Variants in C3orf62 observed in about 807,000 individuals in gnomAD.
C3orf62 encodes the protein uncharacterized protein C3orf62.
Under a neutral mutation model 21.7 loss-of-function variants are expected in C3orf62, and 16 were observed. That is an observed-to-expected ratio of 0.74 (90% CI 0.50 to 1.12). The LOEUF is 1.12. Ranked by LOEUF, C3orf62 falls within the 50% of genes most tolerant of loss-of-function variation. The probability of loss-of-function intolerance (pLI) is 0.00; values close to 1 mark genes in which losing one functional copy is unlikely to be tolerated. For missense variants in C3orf62, 310 were observed against 318.8 expected, an observed-to-expected ratio of 0.97 and a Z score of 0.21; for synonymous variants, 114 against 117.0, an observed-to-expected ratio of 0.97 and a Z score of 0.17.
At position 49,276,803 on chromosome 3, in the gene C3orf62, GTTCC is replaced by G; in HGVS notation, c.66_69del (p.Lys22AsnfsTer2). On this transcript the variant is annotated frameshift_variant, in exon 1 of 3. Transcript: ENST00000343010. LOFTEE classifies it high-confidence loss of function. ...AAGGCCCGGTCAATGGCTGCAGTCA[GTTCC>G]TTTCTGCATCTTCTTAGTTTTTCAG... The G allele has an allele frequency of 6.2e-7, 1 of 1,614,124 alleles. No individual in the cohort carries two copies. Among genetic ancestry groups the G allele is most frequent in the Non-Finnish European group, 8.5e-7 (1 of 1,180,036 alleles).
chr3:49,276,722 C>G lies in C3orf62; in HGVS notation c.151G>C (p.Ala51Pro). Residue 51 changes from alanine to proline, a missense_variant, in exon 1 of 3, where the codon GCC becomes CCC. Ala to Pro is a conservative substitution (Grantham distance 27). Transcript: ENST00000343010. ...GGCAGCGAGAAGGAGAGCGGCGCGG[C>G]GCTCAGTTCCAGCCTCTGCTGGCCT... ...CTGQQRLELSAAPLSFSLPVH... is the reference protein window; with the variant it reads ...CTGQQRLELSPAPLSFSLPVH... 1 of 1,614,212 alleles carries G rather than the reference C, an allele frequency of 6.2e-7. No homozygotes were observed. The highest frequency in any genetic ancestry group is 8.5e-7 in the Non-Finnish European group (1 of 1,180,038).
At chr3:49,274,377 T>TA (rs1421913438) in intron 1 of C3orf62, 2 of 447,610 alleles carry the variant, frequency 4.5e-6, no homozygotes, top group Non-Finnish European at 8.2e-6. Context: ...TTTTCTTTTT[T>TA]AGAGACAGGG....
At position 49,272,757 on chromosome 3, in the gene C3orf62, T is replaced by A. The variant is rs1225893217; in HGVS notation, c.538+1292A>T. ...TAGTAGAGAAGGGGTTTTGCCATGT[T>A]GCCCAGGCTGATCTCGAACTCCTGA... On this transcript the variant is annotated intron_variant, in intron 2 of 2. Coordinates refer to ENST00000343010, the MANE Select transcript of C3orf62 (RefSeq NM_198562.3). Among the ~76,000 whole-genome samples the A allele has an allele frequency of 2.0e-5, 3 of 151,962 alleles. No homozygotes were observed. The East Asian group carries it at 5.8e-4, about 29-fold the overall frequency.
At position 49,270,994 on chromosome 3, in the gene C3orf62, C is replaced by A; in HGVS notation, c.*186G>T. 4 of 600,502 alleles carry A rather than the reference C, an allele frequency of 6.7e-6. No homozygotes were observed. The highest frequency in any genetic ancestry group is 1.2e-5 in the Non-Finnish European group (4 of 344,260). 37.2% of individuals were successfully genotyped at this position (600,502 alleles called of 1,614,324 possible). ...ATCAGTAATAGGAAACATTTCAAAG[C>A]AATGGAATTCAAAAAACTGGTCTCA... On this transcript the variant is annotated 3_prime_UTR_variant, in exon 3 of 3. Coordinates refer to ENST00000343010, the MANE Select transcript of C3orf62 (RefSeq NM_198562.3).
chr3:49,274,765 A>G (rs1478061154), intron 1 of C3orf62, among the ~76,000 whole-genome samples: 1 of 151,338 alleles, frequency 6.6e-6, no homozygotes, highest in Non-Finnish European at 1.5e-5. Flanking sequence ...ACCTCAGGTG[A>G]TCTGCCCGCC....
chr3:49,271,540 A>G, intron 2 of C3orf62, 95 bp from the exon 3 acceptor site: 1 of 1,420,696 alleles, frequency 7.0e-7, no homozygotes, highest in South Asian at 1.3e-5. Context: ...GTTGTCATTT[A>G]TCAGGGATTG....
chr3:49,270,354 C>CT lies in C3orf62; in HGVS notation c.*825dup, dbSNP rs551648533. ...CCTGAGATTCAGTTTCCTTTCTTCC[C>CT]TTTTTTTTTCTTTTTTTTTTTGAGA... On this transcript the variant is annotated 3_prime_UTR_variant, in exon 3 of 3. Transcript: ENST00000343010. 2.1e-4 allele frequency: 31 copies of CT among 151,096 alleles called. No individual in the cohort carries two copies. The highest frequency in any genetic ancestry group is 1.3e-3 in the South Asian group (6 of 4,736). 9.4% of individuals were successfully genotyped at this position (151,096 alleles called of 1,614,324 possible). A position where few individuals can be genotyped will look rare whatever the true frequency, so the allele number is the denominator to read the frequency against.
chr3:49,271,377 T>C lies in C3orf62; in HGVS notation c.607A>G (p.Met203Val), dbSNP rs779246246. 1.5e-5 allele frequency: 25 copies of C among 1,614,078 alleles called. No homozygotes were observed. Among genetic ancestry groups the C allele is most frequent in the South Asian group, 9.9e-5 (9 of 91,096 alleles). Residue 203 changes from methionine (M) to valine (V), a missense_variant, in exon 3 of 3, where the codon ATG becomes GTG. Physicochemically the swap from Met to Val is conservative, Grantham distance 21 (BLOSUM62 1). Transcript: ENST00000343010. ...KIEFENELNH[M>V]CGHCQDSPFK... is the part of the protein sequence containing the mutation. ...GGTGAATCTTGGCAATGACCACACATGTGGTTCAATTCGTTTTCAAATTCT... is the reference window on the plus strand; with the variant it reads ...GGTGAATCTTGGCAATGACCACACACGTGGTTCAATTCGTTTTCAAATTCT...
chr3:49,273,702 C>A (rs71324944), intron 2 of C3orf62, among the ~76,000 whole-genome samples: 9 of 151,972 alleles, frequency 5.9e-5, no homozygotes, highest in Non-Finnish European at 8.8e-5. Flanking sequence ...GTCCCCCAGG[C>A]TGGAGTGCAG....
At position 49,269,135 on chromosome 3, in the gene C3orf62, ATT is replaced by A. The variant is rs1004427470; in HGVS notation, c.*2043_*2044del. 1 of 152,144 alleles carries A rather than the reference ATT, an allele frequency of 6.6e-6. No homozygotes were observed. The highest frequency in any genetic ancestry group is 2.4e-5 in the African/African-American group (1 of 41,412). The allele number at this position is 152,144 out of a possible 1,614,324, so 9.4% of individuals were successfully genotyped here. ...TACCCCACGTCTGGATTTGTCTAACATTTGTCTCAAGATCATACACTGGGAAT... is the reference window on the plus strand; with the variant it reads ...TACCCCACGTCTGGATTTGTCTAACATGTCTCAAGATCATACACTGGGAAT... On this transcript the variant is annotated 3_prime_UTR_variant, in exon 3 of 3. Coordinates refer to ENST00000343010, the MANE Select transcript of C3orf62 (RefSeq NM_198562.3).
In C3orf62 at chr3:49,271,136, G is replaced by A. The variant is rs1479931536; in HGVS notation, c.*44C>T. 3.2e-6 allele frequency: 5 copies of A among 1,584,366 alleles called. No individual in the cohort carries two copies. Among genetic ancestry groups the A allele is most frequent in the Non-Finnish European group, 4.3e-6 (5 of 1,160,720 alleles). ...TGTAGCTGCTTCTGCTCAGGCTCAA[G>A]GGCAGCCTCCTGCTGTAAGGAATCA... On this transcript the variant is annotated 3_prime_UTR_variant, in exon 3 of 3. Coordinates refer to ENST00000343010, the MANE Select transcript of C3orf62 (RefSeq NM_198562.3).
chr3:49,273,212 A>G (rs2046926432), intron 2 of C3orf62, among the ~76,000 whole-genome samples: 1 of 152,216 alleles, frequency 6.6e-6, no homozygotes, highest in Non-Finnish European at 1.5e-5. Context: ...ACTTGAGACT[A>G]GGAGTTCGAG....
At chr3:49,272,534 C>CTT (rs746086446) in intron 2 of C3orf62, among the ~76,000 whole-genome samples, 23,686 of 51,940 alleles carry the variant, frequency 0.46, 9,673 homozygotes, top group South Asian at 0.64. Flanking sequence ...TTCTCCTAAT[C>CTT]TTTTTTTTTT....
intron 2 of C3orf62, 77 bp from the exon 3 acceptor site, chr3:49,271,522 A>G (rs1437182625): frequency 1.3e-6 from 2 of 1,487,680 alleles, no homozygotes; most frequent in African/African-American, 2.8e-5. Context: ...GTTAAAAACC[A>G]TGAATGGGTT....
intron 1 of C3orf62, among the ~76,000 whole-genome samples, chr3:49,275,772 T>C (rs997903535): frequency 1.3e-5 from 2 of 151,368 alleles, no homozygotes; most frequent in African/African-American, 2.4e-5. Context: ...CCTCGTGATC[T>C]GCCCGCCTCG....
At position 49,276,443 on chromosome 3, in the gene C3orf62, T is replaced by C. The variant is rs537539163; in HGVS notation, c.430A>G (p.Arg144Gly). The change falls in exon 1 of 3, where the codon AGA (arginine) becomes GGA (glycine). Residue 144 changes from arginine (R) to glycine (G), a missense_variant. Transcript: ENST00000343010. ...TAGAATCACCTTAAATTTTCTTTTC[T>C]CCAGTTTTCCCCCTCTCCTGCAGTT... ...WRTAGEGENW[R>G]KENLRKDMER... 6.2e-7 allele frequency: 1 copy of C among 1,607,448 alleles called. No homozygotes were observed. The highest frequency in any genetic ancestry group is 2.2e-5 in the East Asian group (1 of 44,738).
rs889566240 is a variant in C3orf62, at chr3:49,276,022, C to T, written c.446+405G>A. The stretch of plus-strand genomic sequence containing the variant: ...GCCCAGCCTTCAATTAAGCCTCTCC[C>T]TAATGTGGGCAAAGGAGGGTATCAA... On this transcript the variant is annotated intron_variant, in intron 1 of 2. Transcript: ENST00000343010. Among the ~76,000 whole-genome samples the T allele has an allele frequency of 3.8e-4, 58 of 152,078 alleles. 1 individual carries two copies. The highest frequency in any genetic ancestry group is 5.9e-5 in the Non-Finnish European group (4 of 68,010).
Position 49,277,029 on chromosome 3 carries a change from C to G in C3orf62, c.-157G>C. ...GCGGTTCTCGGCTCTCGCGGAGGAA[C>G]CCGCCATCTGCCAGAAGCCCCAAAG... is the stretch of plus-strand genomic sequence containing the variant. On this transcript the variant is annotated 5_prime_UTR_variant, in exon 1 of 3. Coordinates refer to ENST00000343010, the MANE Select transcript of C3orf62 (RefSeq NM_198562.3). 3 of 1,462,422 alleles carry G rather than the reference C, an allele frequency of 2.1e-6. No individual in the cohort carries two copies. Among genetic ancestry groups the G allele is most frequent in the South Asian group, 2.7e-5 (2 of 72,794 alleles). The allele number at this position is 1,462,422 out of a possible 1,614,324, so 90.6% of individuals were successfully genotyped here.
chr3:49,271,069 G>T lies in C3orf62; in HGVS notation c.*111C>A. 1 of 1,110,634 alleles carries T rather than the reference G, an allele frequency of 9.0e-7. No individual in the cohort carries two copies. The highest frequency in any genetic ancestry group is 1.3e-6 in the Non-Finnish European group (1 of 775,470). 68.8% of individuals were successfully genotyped at this position (1,110,634 alleles called of 1,614,324 possible). ...GATTTAAAAAGGGTCTGGTAATTCA[G>T]GTTCTGCCAACCTTTTGAGAAATGT... On this transcript the variant is annotated 3_prime_UTR_variant, in exon 3 of 3. Transcript: ENST00000343010.
Sources: allele counts gnomAD v4.1 joint callset (sites outside exome capture counted in the v4.1 genomes callset), GRCh38; gene constraint gnomAD v4.1.1; transcripts MANE v1.5; gene names NCBI Gene and HGNC (gene_info 2026-07-23, HGNC 2026-07-21).